Variants in DNAH10 observed in about 807,000 individuals in gnomAD.
DNAH10 encodes the protein dynein axonemal heavy chain 10, also known as axonemal beta dynein heavy chain 10.
DNAH10 carries 348 observed loss-of-function variants against 506.6 expected under a neutral mutation model. The ratio of observed to expected loss-of-function variants is 0.69; its 90% CI spans 0.63 to 0.75. The LOEUF is 0.75. Among genes scored for constraint, DNAH10 ranks in the 30% least tolerant of loss-of-function variants. The probability of loss-of-function intolerance (pLI) is 0.00; values close to 1 mark genes in which losing one functional copy is unlikely to be tolerated. For synonymous variants in DNAH10, 2,059 were observed against 2,198.6 expected, an observed-to-expected ratio of 0.94 and a Z score of 1.78; for missense variants, 5,179 against 5,787.1, an observed-to-expected ratio of 0.89 and a Z score of 3.41.
chr12:123,931,983 G>A lies in DNAH10; in HGVS notation c.13171G>A (p.Val4391Met). The change falls in exon 76 of 79, where the codon GTG (valine) becomes ATG (methionine). Residue 4391 changes from valine (V) to methionine (M), a missense_variant. Transcript: ENST00000673944. Reference protein sequence around the residue: ...EVGMSNELDDVARSLFIGHIP... With the variant: ...EVGMSNELDDMARSLFIGHIP... The stretch of plus-strand genomic sequence containing the variant: ...TGGAATGAGCAATGAGTTAGATGAT[G>A]TGGCCAGGTCTCTTTTTATCGGGCA... 2 of 1,614,066 alleles carry A rather than the reference G, an allele frequency of 1.2e-6. No homozygotes were observed. The highest frequency in any genetic ancestry group is 1.7e-5 in the Admixed American group (1 of 60,038).
rs1241460164 is a variant in DNAH10 at position 123,794,110 on chromosome 12, G to C, written c.1984G>C (p.Glu662Gln). The C allele has an allele frequency of 8.4e-7, 1 of 1,185,942 alleles. No individual in the cohort carries two copies. The highest frequency in any genetic ancestry group is 6.5e-5 in the East Asian group (1 of 15,370). 73.5% of individuals were successfully genotyped at this position (1,185,942 alleles called of 1,614,324 possible). Residue 662 changes from glutamate to glutamine, a missense_variant and splice_region_variant, in exon 12 of 79, where the codon GAG becomes CAG. Physicochemically the swap from Glu to Gln is conservative, Grantham distance 29. This residue lies in a region of DNAH10 where 4,844 missense variants were observed against 5,430.5 expected (regional missense o/e 0.89). Transcript: ENST00000673944. Reference sequence around the variant, plus strand: ...TGATATTCTTGCACAGTACTGTAAAGAGGTAATTGAAAAATCGATAGCTGC... The same window carrying C: ...TGATATTCTTGCACAGTACTGTAAACAGGTAATTGAAAAATCGATAGCTGC... ...FNDILAQYCK[E>Q]IDIINKIFVQ...
intron 60 of DNAH10, 40 bp from the exon 61 acceptor site, chr12:123,914,288 GA>G (rs1393663890): frequency 6.4e-7 from 1 of 1,560,976 alleles, no homozygotes; most frequent in Admixed American, 1.7e-5. Context: ...GTTGTGGCCA[GA>G]AGGTAAACTC....
chr12:123,813,285 A>G lies in DNAH10; in HGVS notation c.3266A>G (p.Gln1089Arg). ...DISLNPQIIEQAVMIPQNVHR... is the reference protein window; with the variant it reads ...DISLNPQIIERAVMIPQNVHR... ...TCTCTGAACCCTCAGATAATTGAAC[A>G]AGCTGTTATGATCCCCCAAAATGTC... The change falls in exon 20 of 79, where the codon CAA (glutamine) becomes CGA (arginine). Residue 1089 changes from glutamine (Q) to arginine (R), a missense_variant. Gln to Arg is a conservative substitution (Grantham distance 43). Coordinates refer to ENST00000673944, the MANE Select transcript of DNAH10 (RefSeq NM_001372106.1). The G allele has an allele frequency of 1.2e-6, 2 of 1,614,198 alleles. No individual in the cohort carries two copies. Among genetic ancestry groups the G allele is most frequent in the Non-Finnish European group, 1.7e-6 (2 of 1,180,022 alleles).
chr12:123,793,484 G>A (rs1219312572), intron 11 of DNAH10, among the ~76,000 whole-genome samples: 1 of 151,750 alleles, frequency 6.6e-6, no homozygotes, highest in Non-Finnish European at 1.5e-5. Flanking sequence ...GACTACAGGC[G>A]CCCACCACCA....
At chr12:123,934,168 C>T (rs763594898) in intron 77 of DNAH10, 2 of 694,240 alleles carry the variant, frequency 2.9e-6, no homozygotes, top group South Asian at 3.0e-5. Flanking sequence ...TCTCTTTGCA[C>T]ATCTGCTGGG....
intron 23 of DNAH10, 118 bp from the exon 24 acceptor site, chr12:123,820,459 GTCT>G: frequency 1.0e-6 from 1 of 987,292 alleles, no homozygotes; most frequent in Non-Finnish European, 1.5e-6. Context: ...TTCTAAATTT[GTCT>G]TCCCGTGTGG....
At chr12:123,794,825 C>A (rs1958213904) in intron 12 of DNAH10, among the ~76,000 whole-genome samples, 2 of 142,392 alleles carry the variant, frequency 1.4e-5, no homozygotes, top group South Asian at 2.2e-4. Context: ...CCAGCCTGGG[C>A]AACAGAGTGA....
intron 21 of DNAH10, among the ~76,000 whole-genome samples, chr12:123,817,669 A>C (rs1959171222): frequency 6.6e-6 from 1 of 152,038 alleles, no homozygotes; most frequent in South Asian, 2.1e-4. Context: ...TTGTGTGTGA[A>C]TCTCTTGGTT....
chr12:123,924,319 G>A lies in DNAH10; in HGVS notation c.11653G>A (p.Ala3885Thr), dbSNP rs183103487. ...LEKSKRKKPC[A>T]WLSDQGWEDI... ...GAAAAGCAAAAGAAAAAAGCCCTGC[G>A]CTTGGTTGTCTGACCAAGGATGGGA... Residue 3885 changes from alanine to threonine, a missense_variant, in exon 67 of 79, where the codon GCT becomes ACT. Around this residue, in one of 3 missense-constraint regions of DNAH10, gnomAD observed 4,844 missense variants for 5,430.5 expected, o/e 0.89. Transcript: ENST00000673944. 4.5e-5 allele frequency: 73 copies of A among 1,612,818 alleles called. No individual in the cohort carries two copies. The highest frequency in any genetic ancestry group is 1.6e-4 in the East Asian group (7 of 44,858).
intron 73 of DNAH10, 58 bp from the exon 74 acceptor site, chr12:123,931,283 C>G: frequency 1.9e-6 from 3 of 1,597,802 alleles, no homozygotes; most frequent in Non-Finnish European, 2.6e-6. Context: ...AGGCTGTGGG[C>G]CCTGAGAAAG....
chr12:123,782,875 T>G (rs1957715371), intron 6 of DNAH10, among the ~76,000 whole-genome samples: 1 of 152,210 alleles, frequency 6.6e-6, no homozygotes, highest in Non-Finnish European at 1.5e-5. Context: ...CAGGAACATC[T>G]TAAATAACTA....
intron 57 of DNAH10, among the ~76,000 whole-genome samples, chr12:123,906,103 T>G (rs528803863): frequency 6.6e-6 from 1 of 151,848 alleles, no homozygotes; most frequent in East Asian, 1.9e-4. Context: ...CTAATTTTTT[T>G]TTGTATTTTT....
chr12:123,834,919 CA>C (rs1836849279), intron 27 of DNAH10, among the ~76,000 whole-genome samples: 1 of 152,150 alleles, frequency 6.6e-6, no homozygotes, highest in South Asian at 2.1e-4. Context: ...TTTTTCTATC[CA>C]TTGGCTGATA....
chr12:123,767,025 C>CTGGGATTACAGG (rs1216115427), intron 1 of DNAH10, among the ~76,000 whole-genome samples: 6 of 151,742 alleles, frequency 4.0e-5, no homozygotes, highest in African/African-American at 1.5e-4. Context: ...CCTGCATCAG[C>CTGGGATTACAGG]CTCCCAAGTA....
intron 34 of DNAH10, among the ~76,000 whole-genome samples, chr12:123,849,520 G>C (rs533867023): frequency 9.6e-4 from 146 of 152,192 alleles, no homozygotes; most frequent in African/African-American, 3.3e-3. Flanking sequence ...GAAAACACAG[G>C]ACCAGCGTGG....
chr12:123,908,478 T>G (rs1397540176), intron 57 of DNAH10: 1 of 456,244 alleles, frequency 2.2e-6, no homozygotes. Context: ...GCTGTTCTCT[T>G]CCACTTCTGT....
intron 61 of DNAH10, 70 bp downstream of exon 61, chr12:123,914,620 C>A: frequency 6.6e-7 from 1 of 1,511,492 alleles, no homozygotes; most frequent in African/African-American, 1.4e-5. Context: ...GGGTGTCACC[C>A]TGGGGGGAGG....
At chr12:123,772,265 C>G (rs956070673) in intron 3 of DNAH10, among the ~76,000 whole-genome samples, 1 of 152,196 alleles carries the variant, frequency 6.6e-6, no homozygotes, top group African/African-American at 2.4e-5. Context: ...AGGCATTCAC[C>G]AAACTCGCAT....
chr12:123,903,212 C>G lies in DNAH10; in HGVS notation c.9815+99C>G. ...CCAGGAGCTTACAAAGGAGCCGATG[C>G]CACATGCTGCCACTGTGCCTGGCTC... On this transcript the variant is annotated intron_variant, in intron 57 of 78. Transcript: ENST00000673944. This position sits in a 1 kb window ranked among gnomAD's most constrained non-coding sequence, Gnocchi z 4.6. 1 of 1,358,956 alleles carries G rather than the reference C, an allele frequency of 7.4e-7. No individual in the cohort carries two copies. The highest frequency in any genetic ancestry group is 9.8e-7 in the Non-Finnish European group (1 of 1,019,782). 84.2% of individuals were successfully genotyped at this position (1,358,956 alleles called of 1,614,324 possible).
Sources: allele counts gnomAD v4.1 joint callset (sites outside exome capture counted in the v4.1 genomes callset), GRCh38; gene constraint gnomAD v4.1.1; regional missense constraint gnomAD v4.1.1; non-coding constraint Gnocchi (gnomAD v3.1); transcripts MANE v1.5; gene names NCBI Gene and HGNC (gene_info 2026-07-23, HGNC 2026-07-21).